The following SMCO2 variants were observed in gnomAD, a reference collection of about 807,000 sequenced individuals.
The protein encoded by SMCO2 is single-pass membrane and coiled-coil domain-containing protein 2.
In SMCO2, 25 loss-of-function variants were observed where a neutral mutation model predicts 29.5. The ratio of observed to expected loss-of-function variants is 0.85; its 90% CI spans 0.62 to 1.18. The LOEUF (loss-of-function observed/expected upper bound fraction) is 1.18. Among genes scored for constraint, SMCO2 ranks in the 50% most tolerant of loss-of-function variants. The pLI is 0.00. For missense variants in SMCO2, 348 were observed against 344.5 expected, an observed-to-expected ratio of 1.01 and a Z score of -0.08; for synonymous variants, 117 against 123.3, an observed-to-expected ratio of 0.95 and a Z score of 0.34.
the SMCO2 span, among the ~76,000 whole-genome samples, chr12:27,449,660 G>A: frequency 6.6e-6 from 1 of 152,188 alleles, no homozygotes; most frequent in Non-Finnish European, 1.5e-5. Context: ...CCCTTGAAGG[G>A]GGGAAAAGTT....
At chr12:27,486,245 A>G (rs945695416) in intron 4 of SMCO2, among the ~76,000 whole-genome samples, 1 of 152,158 alleles carries the variant, frequency 6.6e-6, no homozygotes, top group Admixed American at 6.5e-5. Flanking sequence ...TTCTCTGTGC[A>G]GCTCTCTCCT....
intron 5 of SMCO2, among the ~76,000 whole-genome samples, chr12:27,491,493 C>T (rs929057442): frequency 1.3e-5 from 2 of 152,060 alleles, no homozygotes; most frequent in Non-Finnish European, 2.9e-5. Flanking sequence ...CAGCACAGCT[C>T]CTCTCTAAAT....
the SMCO2 span, among the ~76,000 whole-genome samples, chr12:27,435,009 C>T: frequency 6.6e-6 from 1 of 152,060 alleles, no homozygotes; most frequent in Non-Finnish European, 1.5e-5. Context: ...TCTTTCATAG[C>T]AGGGTAAACT....
At chr12:27,488,516 G>A (rs1447738347) in exon 5 of SMCO2, 1 of 1,539,618 alleles carries the variant, frequency 6.5e-7, no homozygotes, top group Non-Finnish European at 8.8e-7. Flanking sequence ...GAGGACCGGG[G>A]CCTTGACCTT....
At chr12:27,436,051 A>C in the SMCO2 span, among the ~76,000 whole-genome samples, 1 of 152,246 alleles carries the variant, frequency 6.6e-6, no homozygotes, top group African/African-American at 2.4e-5. Flanking sequence ...TTCATAGACA[A>C]CTGTCTTCCT....
the SMCO2 span, among the ~76,000 whole-genome samples, chr12:27,433,459 G>A: frequency 1.3e-5 from 2 of 151,850 alleles, no homozygotes; most frequent in African/African-American, 4.8e-5. Context: ...GAGGGCATCT[G>A]CTCTAGAGAT....
In SMCO2 at chr12:27,498,257, A is replaced by T. The variant is rs1023059259; in HGVS notation, c.683+2402A>T. ...AACCAGGTCTATTGCACATCTGGCCAGTATCAATGATCAGATGCTCCAAAA... is the reference window on the plus strand; with the variant it reads ...AACCAGGTCTATTGCACATCTGGCCTGTATCAATGATCAGATGCTCCAAAA... On this transcript the variant is annotated intron_variant, in intron 7 of 7. Transcript: ENST00000298876. 10 of 249,556 alleles carry T rather than the reference A, an allele frequency of 4.0e-5. No individual in the cohort carries two copies. In the South Asian group the frequency reaches 6.4e-4, roughly 16 times the overall value. The allele number at this position is 249,556 out of a possible 1,614,324, so 15.5% of individuals were successfully genotyped here.
chr12:27,492,676 A>G (rs1239920198), intron 5 of SMCO2, among the ~76,000 whole-genome samples: 3 of 152,240 alleles, frequency 2.0e-5, no homozygotes, highest in Non-Finnish European at 4.4e-5. Context: ...AAAAAGTCAA[A>G]AAATAACAGA....
the SMCO2 span, among the ~76,000 whole-genome samples, chr12:27,436,205 G>T: frequency 6.6e-6 from 1 of 152,160 alleles, no homozygotes; most frequent in African/African-American, 2.4e-5. Context: ...TCACAGTGGG[G>T]GTTAGGATTT....
At chr12:27,441,170 A>T in the SMCO2 span, among the ~76,000 whole-genome samples, 1 of 152,180 alleles carries the variant, frequency 6.6e-6, no homozygotes, top group Non-Finnish European at 1.5e-5. Flanking sequence ...GAGATTGGAG[A>T]ATCGCCTGAG....
At chr12:27,443,010 C>A in the SMCO2 span, among the ~76,000 whole-genome samples, 5 of 152,162 alleles carry the variant, frequency 3.3e-5, no homozygotes, top group African/African-American at 1.2e-4. Flanking sequence ...CAAATTCATT[C>A]CATGAGGCCA....
chr12:27,493,319 C>T (rs1942952597), intron 5 of SMCO2, among the ~76,000 whole-genome samples: 1 of 151,892 alleles, frequency 6.6e-6, no homozygotes, highest in Admixed American at 6.6e-5. Context: ...ACATGTACTC[C>T]TAAACCTAAA....
At chr12:27,451,309 C>T in the SMCO2 span, among the ~76,000 whole-genome samples, 2 of 152,196 alleles carry the variant, frequency 1.3e-5, no homozygotes, top group East Asian at 3.9e-4. Flanking sequence ...GGAGGCTCAG[C>T]CTGACATTGT....
intron 5 of SMCO2, among the ~76,000 whole-genome samples, chr12:27,489,979 T>C (rs944218533): frequency 1.3e-5 from 2 of 150,476 alleles, no homozygotes; most frequent in African/African-American, 2.5e-5. Flanking sequence ...AAGGGAGGAG[T>C]TTGGAATAAT....
At chr12:27,460,531 G>A in the SMCO2 span, among the ~76,000 whole-genome samples, 1 of 152,078 alleles carries the variant, frequency 6.6e-6, no homozygotes, top group East Asian at 1.9e-4. Context: ...AATCATAAAG[G>A]TGAGTCATAA....
chr12:27,489,738 T>C (rs994141284), intron 5 of SMCO2, among the ~76,000 whole-genome samples: 3 of 152,200 alleles, frequency 2.0e-5, no homozygotes, highest in African/African-American at 7.2e-5. Context: ...TTGTGTGAGT[T>C]GAAAGAGTTT....
chr12:27,461,016 C>T, the SMCO2 span, among the ~76,000 whole-genome samples: 1 of 152,160 alleles, frequency 6.6e-6, no homozygotes, highest in South Asian at 2.1e-4. Context: ...GCCTTCCTGT[C>T]TTTTTCCCTT....
At chr12:27,456,371 C>T in the SMCO2 span, among the ~76,000 whole-genome samples, 1 of 152,118 alleles carries the variant, frequency 6.6e-6, no homozygotes. Flanking sequence ...GCAAGTAAAG[C>T]GTTTCCTCAT....
At chr12:27,486,861 T>C (rs1949693152) in intron 4 of SMCO2, among the ~76,000 whole-genome samples, 1 of 152,232 alleles carries the variant, frequency 6.6e-6, no homozygotes, top group Non-Finnish European at 1.5e-5. Flanking sequence ...TCTTTATTAA[T>C]TCTCCTCCTT....
Sources: allele counts gnomAD v4.1 joint callset (sites outside exome capture counted in the v4.1 genomes callset), GRCh38; gene constraint gnomAD v4.1.1; transcripts MANE v1.5; gene names NCBI Gene and HGNC (gene_info 2026-07-23, HGNC 2026-07-21).